SPINK2: variants seen among roughly 807,000 people sequenced by gnomAD.
SPINK2 encodes the protein serine peptidase inhibitor Kazal type 2, also known as serine protease inhibitor Kazal-type 2.
In SPINK2, 8 loss-of-function variants were observed where a neutral mutation model predicts 13.5. The observed-to-expected ratio is 0.59, with a 90% CI of 0.35 to 1.07. SPINK2 has a LOEUF of 1.07. SPINK2 is among the 50% of genes least tolerant of loss of function. SPINK2 has a pLI of 0.02. For synonymous variants in SPINK2, 76 were observed against 74.7 expected (o/e 1.02, Z -0.09); for missense variants, 148 against 180.3 (o/e 0.82, Z 1.03).
intron 2 of SPINK2, among the ~76,000 whole-genome samples, chr4:56,816,270 G>A (rs1717441763): frequency 6.6e-6 from 1 of 151,756 alleles, no homozygotes; most frequent in South Asian, 2.1e-4. Flanking sequence ...ACATCTCTAG[G>A]GCCAGGCATG....
chr4:56,821,574 G>A lies in SPINK2; in HGVS notation c.89C>T (p.Pro30Leu). The A allele has an allele frequency of 6.5e-7, 1 of 1,548,152 alleles. No individual in the cohort carries two copies. Among genetic ancestry groups the A allele is most frequent in the Non-Finnish European group, 8.7e-7 (1 of 1,146,784 alleles). ...SARSGPGERGPPEKSGFGSQT... is the reference protein window; with the variant it reads ...SARSGPGERGLPEKSGFGSQT... ...ACTCCCAAACCCGCTTTTCTCCGGA[G>A]GTCCCCGCTCGCCAGGACCGCTCCG... The change falls in exon 1 of 4, where the codon CCT becomes CTT. Residue 30 changes from proline (P) to leucine (L), a missense_variant. Pro to Leu is a moderately conservative substitution (Grantham distance 98, BLOSUM62 -3). Coordinates refer to ENST00000506738, the MANE Select transcript of SPINK2 (RefSeq NM_001271718.2).
intron 2 of SPINK2, among the ~76,000 whole-genome samples, chr4:56,812,293 G>A (rs954015954): frequency 1.3e-5 from 2 of 151,464 alleles, no homozygotes; most frequent in African/African-American, 2.4e-5. Context: ...AGTGGCTTAC[G>A]CCTGTAATCC....
At chr4:56,815,967 G>A (rs1717414435) in intron 2 of SPINK2, among the ~76,000 whole-genome samples, 1 of 151,936 alleles carries the variant, frequency 6.6e-6, no homozygotes, top group Non-Finnish European at 1.5e-5. Context: ...GCCATGTGTG[G>A]TGACCTGTGT....
At chr4:56,812,412 G>A (rs866658108) in intron 2 of SPINK2, among the ~76,000 whole-genome samples, 29 of 150,834 alleles carry the variant, frequency 1.9e-4, no homozygotes, top group African/African-American at 5.1e-4. Flanking sequence ...AAAATTAGCC[G>A]GGCACGGTGG....
intron 2 of SPINK2, among the ~76,000 whole-genome samples, chr4:56,818,535 C>A (rs1717648390): frequency 6.6e-6 from 1 of 152,086 alleles, no homozygotes; most frequent in African/African-American, 2.4e-5. Flanking sequence ...GTGGCACATG[C>A]CTGTAGTCTC....
At position 56,813,586 on chromosome 4, in the gene SPINK2, T is replaced by C. The variant is rs142202554; in HGVS notation, c.250-1792A>G. On this transcript the variant is annotated intron_variant, in intron 2 of 3. Transcript: ENST00000506738. The stretch of plus-strand genomic sequence containing the variant: ...CACGAACCCTATTGTGACATGGGCA[T>C]GTGAGGAATCTAGGTTGTGCACTCC... Among the ~76,000 whole-genome samples the C allele has an allele frequency of 6.7e-3, 1,013 of 151,560 alleles. 15 individuals carry two copies. The highest frequency in any genetic ancestry group is 0.022 in the African/African-American group (927 of 41,322).
At chr4:56,815,798 A>ACACAC (rs71194127) in intron 2 of SPINK2, among the ~76,000 whole-genome samples, 4 of 149,340 alleles carry the variant, frequency 2.7e-5, no homozygotes, top group Non-Finnish European at 4.4e-5. Context: ...ACACACACAC[A>ACACAC]AAACTATTAT....
At chr4:56,821,810 GGCGGCGGGAAGAGGA>G (rs1170463826), upstream of SPINK2, 225 of 862,854 alleles carry the variant, frequency 2.6e-4, no homozygotes, top group African/African-American at 2.6e-3. Context: ...AGGGAAGAGG[GGCGGCGGGAAGAGGA>G]GCGGCGGGAA....
At chr4:56,812,056 C>T (rs954191200) in intron 2 of SPINK2, among the ~76,000 whole-genome samples, 2 of 150,916 alleles carry the variant, frequency 1.3e-5, no homozygotes, top group African/African-American at 2.4e-5. Context: ...CGCCTCCATG[C>T]CGCTAATTTT....
intron 3 of SPINK2, 64 bp downstream of exon 3, chr4:56,811,621 A>G: frequency 8.5e-7 from 1 of 1,178,206 alleles, no homozygotes; most frequent in Non-Finnish European, 1.2e-6. Flanking sequence ...TGTCAAAAAA[A>G]AAAAGAAGAA....
Position 56,810,182 on chromosome 4 carries a change from T to C in SPINK2, c.362A>G (p.Glu121Gly). The part of the protein sequence containing the change: ...NECTLCMKIR[E>G]GGHNIKIIRN... ...AATGATTTTAATATTATGACCACCTTCCCTGCAAATTGAACAATCATAGAA... is the reference window on the plus strand; with the variant it reads ...AATGATTTTAATATTATGACCACCTCCCCTGCAAATTGAACAATCATAGAA... Residue 121 changes from glutamate to glycine, a missense_variant and splice_region_variant, in exon 4 of 4, where the codon GAA becomes GGA. By Grantham distance (98) the Glu-to-Gly change is moderately conservative (BLOSUM62 -2). Transcript: ENST00000506738. 1 of 1,607,220 alleles carries C rather than the reference T, an allele frequency of 6.2e-7. No individual in the cohort carries two copies. Among genetic ancestry groups the C allele is most frequent in the Non-Finnish European group, 8.5e-7 (1 of 1,175,962 alleles).
chr4:56,819,404 G>A (rs114434143), intron 2 of SPINK2, among the ~76,000 whole-genome samples: 13 of 152,220 alleles, frequency 8.5e-5, no homozygotes, highest in African/African-American at 3.1e-4. Flanking sequence ...TACAGACAAT[G>A]ACTAGTCCTT....
At chr4:56,815,824 CCAGGT>C (rs766901960) in intron 2 of SPINK2, among the ~76,000 whole-genome samples, 13 of 148,346 alleles carry the variant, frequency 8.8e-5, no homozygotes, top group Non-Finnish European at 1.2e-4. Context: ...ATAAACAAGG[CCAGGT>C]ATGGTGGCTC....
At chr4:56,811,132 C>A (rs1716941570) in intron 3 of SPINK2, among the ~76,000 whole-genome samples, 2 of 152,134 alleles carry the variant, frequency 1.3e-5, no homozygotes, top group Admixed American at 6.6e-5. Flanking sequence ...CATTTGTGGG[C>A]AATAACATAA....
chr4:56,811,105 A>G (rs1167061862), intron 3 of SPINK2, among the ~76,000 whole-genome samples: 1 of 152,212 alleles, frequency 6.6e-6, no homozygotes, highest in Admixed American at 6.5e-5. Flanking sequence ...ATAGACTCTT[A>G]ATTTTAGGAA....
intron 1 of SPINK2, chr4:56,821,191 C>T (rs34393987): frequency 0.047 from 23,947 of 513,040 alleles, 1,904 homozygotes; most frequent in African/African-American, 0.25. Flanking sequence ...CATTTTAACT[C>T]CATTTTAAGA....
At chr4:56,813,620 C>CTT (rs112363076) in intron 2 of SPINK2, among the ~76,000 whole-genome samples, 4 of 142,298 alleles carry the variant, frequency 2.8e-5, no homozygotes, top group Non-Finnish European at 4.6e-5. Context: ...CCTTATGAGA[C>CTT]TTTTTTTTTT....
At chr4:56,813,686 C>T (rs1396025724) in intron 2 of SPINK2, among the ~76,000 whole-genome samples, 6 of 150,988 alleles carry the variant, frequency 4.0e-5, no homozygotes, top group African/African-American at 1.2e-4. Flanking sequence ...GGTGCCATTT[C>T]GGCTCACTGC....
In SPINK2 at chr4:56,820,152, T is replaced by C. The variant is rs1190175560; in HGVS notation, c.249+384A>G. Among the ~76,000 whole-genome samples the C allele has an allele frequency of 1.3e-5, 2 of 152,190 alleles. 1 individual carries two copies. ...CACTCCTCTCTTTGACTCGAGTCCCTACTCAAATGCAAGTGACAGTGGCTG... is the reference window on the plus strand; with the variant it reads ...CACTCCTCTCTTTGACTCGAGTCCCCACTCAAATGCAAGTGACAGTGGCTG... On this transcript the variant is annotated intron_variant, in intron 2 of 3. Transcript: ENST00000506738.
Sources: allele counts gnomAD v4.1 joint callset (sites outside exome capture counted in the v4.1 genomes callset), GRCh38; gene constraint gnomAD v4.1.1; transcripts MANE v1.5; gene names NCBI Gene and HGNC (gene_info 2026-07-23, HGNC 2026-07-21).